Variants in CUX1 observed in about 807,000 individuals in gnomAD.
CUX1 encodes cut like homeobox 1.
A neutral mutation model predicts 158.8 loss-of-function variants in CUX1; 31 were observed. The observed-to-expected ratio is 0.20, with a 90% CI of 0.15 to 0.26. CUX1 has a LOEUF of 0.26. Ranked by LOEUF, CUX1 falls within the 10% of genes least tolerant of loss-of-function variation. The probability of loss-of-function intolerance (pLI) is 1.00; values close to 1 mark genes in which losing one functional copy is unlikely to be tolerated. For synonymous variants in CUX1, 879 were observed against 862.1 expected, an observed-to-expected ratio of 1.02 and a Z score of -0.34; for missense variants, 1,589 against 2,014.6, an observed-to-expected ratio of 0.79 and a Z score of 4.04.
At chr7:102,071,983 A>G (rs1826185766) in intron 4 of CUX1, among the ~76,000 whole-genome samples, 1 of 152,218 alleles carries the variant, frequency 6.6e-6, no homozygotes, top group African/African-American at 2.4e-5. Flanking sequence ...GAGAGTTTGT[A>G]TCTGACTAGG....
In CUX1 at chr7:102,248,435, T is replaced by G; in HGVS notation, c.3911T>G (p.Phe1304Cys). 6.3e-7 allele frequency: 1 copy of G among 1,598,270 alleles called. No individual in the cohort carries two copies. Among genetic ancestry groups the G allele is most frequent in the Non-Finnish European group, 8.5e-7 (1 of 1,176,116 alleles). Residue 1304 changes from phenylalanine (F) to cysteine (C), a missense_variant, in exon 24 of 24, where the codon TTC becomes TGC. Physicochemically the swap from Phe to Cys is radical, Grantham distance 205 (BLOSUM62 -2). This residue lies in a region of CUX1 where 344 missense variants were observed against 323.7 expected (regional missense o/e 1.06). Transcript: ENST00000292535. The surrounding 1 kb of genome is among the most constrained non-coding windows in gnomAD (Gnocchi z 5.8). ...NYRSRIRRELFIEEIQAGSQG... is the reference protein window; with the variant it reads ...NYRSRIRRELCIEEIQAGSQG... ...AGGTCTCGGATCCGCAGAGAACTGT[T>G]CATTGAGGAAATTCAGGCCGGGAGT...
chr7:102,249,287 A>C lies in CUX1; in HGVS notation c.*245A>C. The C allele has an allele frequency of 9.6e-7, 1 of 1,037,352 alleles. No homozygotes were observed. The highest frequency in any genetic ancestry group is 7.6e-5 in the East Asian group (1 of 13,086). The allele number at this position is 1,037,352 out of a possible 1,614,324, so 64.3% of individuals were successfully genotyped here. A position where few individuals can be genotyped will look rare whatever the true frequency, so the allele number is the denominator to read the frequency against. ...CCGGGCCGACCCTGCGGCCTCCACC[A>C]ACCCCGCGGCCCAGACCCAGCCCGC... On this transcript the variant is annotated 3_prime_UTR_variant, in exon 24 of 24. Coordinates refer to ENST00000292535, the MANE Select transcript of CUX1 (RefSeq NM_181552.4).
chr7:102,246,346 G>A (rs1343465813), intron 23 of CUX1, among the ~76,000 whole-genome samples: 1 of 152,096 alleles, frequency 6.6e-6, no homozygotes, highest in African/African-American at 2.4e-5. Flanking sequence ...TGGAACTTCT[G>A]GGGGGCTTCT....
chr7:102,134,550 G>C (rs1212506966), intron 8 of CUX1, among the ~76,000 whole-genome samples: 6 of 152,112 alleles, frequency 3.9e-5, no homozygotes, highest in African/African-American at 1.4e-4. Flanking sequence ...ACAGTGTCTT[G>C]ACCGGATCCT....
At chr7:102,150,859 A>G (rs1248335895) in intron 8 of CUX1, among the ~76,000 whole-genome samples, 4 of 152,256 alleles carry the variant, frequency 2.6e-5, no homozygotes, top group Non-Finnish European at 5.9e-5. Flanking sequence ...GCTGAGCATA[A>G]TACCGGGCAG....
chr7:101,944,215 AG>A (rs1808085459), intron 2 of CUX1, among the ~76,000 whole-genome samples: 1 of 152,094 alleles, frequency 6.6e-6, no homozygotes, highest in East Asian at 1.9e-4. Context: ...GCTGGGTTGC[AG>A]GGGGTAGTTG....
chr7:102,126,902 C>T (rs1287480015), intron 8 of CUX1, among the ~76,000 whole-genome samples: 2 of 152,146 alleles, frequency 1.3e-5, no homozygotes, highest in African/African-American at 4.8e-5. Context: ...CTACACAGTC[C>T]CATCTGGGGG....
In CUX1 at chr7:102,191,731, CTCT is replaced by C. The variant is rs1284721465; in HGVS notation, c.1076+1868_1076+1870del. ...CTTCGTTGTCTTCTTCTTTCTTCCTCTCTTCTTCTTTCTTCCTCCTCCTCTTCT... is the reference window on the plus strand; with the variant it reads ...CTTCGTTGTCTTCTTCTTTCTTCCTCTCTTCTTTCTTCCTCCTCCTCTTCT... On this transcript the variant is annotated intron_variant, in intron 12 of 23. Transcript: ENST00000292535. Among the ~76,000 whole-genome samples, 8 of 152,086 alleles carry C rather than the reference CTCT, an allele frequency of 5.3e-5. No homozygotes were observed. The South Asian group carries it at 6.2e-4, about 12-fold the overall frequency.
At chr7:101,853,240 T>A (rs1430817339) in intron 1 of CUX1, among the ~76,000 whole-genome samples, 1 of 152,202 alleles carries the variant, frequency 6.6e-6, no homozygotes, top group East Asian at 1.9e-4. Context: ...ATAATGTATT[T>A]TCTGCACCCA....
Position 102,201,075 on chromosome 7 carries a change from A to G in CUX1, c.2063-285A>G, listed in dbSNP as rs1306654402. ...AAAAATTCTCGGGGAAAGGAGCCCC[A>G]GGAGGGCAGGTCGGGGAGCACTTTC... On this transcript the variant is annotated intron_variant, in intron 17 of 23. Transcript: ENST00000292535. This position sits in a 1 kb window ranked among gnomAD's most constrained non-coding sequence, Gnocchi z 5.0. Among the ~76,000 whole-genome samples the G allele has an allele frequency of 6.8e-6, 1 of 147,368 alleles. No homozygotes were observed. The highest frequency in any genetic ancestry group is 1.5e-5 in the Non-Finnish European group (1 of 66,962).
intron 23 of CUX1, among the ~76,000 whole-genome samples, chr7:102,247,115 G>T (rs1386892337): frequency 6.6e-6 from 1 of 152,014 alleles, no homozygotes; most frequent in Non-Finnish European, 1.5e-5. Context: ...GATCACCTGA[G>T]CCTGGGAGGT....
intron 1 of CUX1, among the ~76,000 whole-genome samples, chr7:101,859,545 C>G (rs1797217232): frequency 6.6e-6 from 1 of 152,154 alleles, no homozygotes; most frequent in African/African-American, 2.4e-5. Flanking sequence ...ATTTTTCTTC[C>G]CAAATAACTG....
At chr7:102,132,917 T>C (rs1440556179) in intron 8 of CUX1, among the ~76,000 whole-genome samples, 1 of 151,948 alleles carries the variant, frequency 6.6e-6, no homozygotes, top group Non-Finnish European at 1.5e-5. Context: ...GTGATTCACC[T>C]GCCTCAGCCT....
chr7:101,967,155 A>C (rs1416956549), intron 2 of CUX1, among the ~76,000 whole-genome samples: 1 of 152,026 alleles, frequency 6.6e-6, no homozygotes, highest in African/African-American at 2.4e-5. Flanking sequence ...CTGGGATTAC[A>C]GGTGCCCTCC....
At chr7:101,979,202 A>G (rs139002625) in intron 2 of CUX1, among the ~76,000 whole-genome samples, 22 of 152,282 alleles carry the variant, frequency 1.4e-4, no homozygotes, top group Admixed American at 3.9e-4. Flanking sequence ...GAGGTGCTCT[A>G]GACTGTGATG....
chr7:102,167,253 G>A (rs1409620092), intron 9 of CUX1, among the ~76,000 whole-genome samples: 1 of 150,660 alleles, frequency 6.6e-6, no homozygotes, highest in African/African-American at 2.5e-5. Context: ...GGGCAACAGG[G>A]TGAGACTCTG....
chr7:102,275,168 C>A, intron 16 of CUX1: 2 of 1,015,508 alleles, frequency 2.0e-6, no homozygotes, highest in Non-Finnish European at 3.0e-6. Context: ...TCCCCCAGGG[C>A]TGGGGGACCC....
intron 1 of CUX1, among the ~76,000 whole-genome samples, chr7:101,823,145 C>A (rs1584650793): frequency 6.6e-6 from 1 of 152,070 alleles, no homozygotes; most frequent in Admixed American, 6.6e-5. Context: ...GAGCCTCGGG[C>A]CATGGGAAGT....
intron 1 of CUX1, among the ~76,000 whole-genome samples, chr7:101,890,023 G>A (rs1800700253): frequency 6.6e-6 from 1 of 152,202 alleles, no homozygotes; most frequent in Non-Finnish European, 1.5e-5. Flanking sequence ...AACCACTCCC[G>A]CCAGTGTGTG....
Sources: allele counts gnomAD v4.1 joint callset (sites outside exome capture counted in the v4.1 genomes callset), GRCh38; gene constraint gnomAD v4.1.1; regional missense constraint gnomAD v4.1.1; non-coding constraint Gnocchi (gnomAD v3.1); transcripts MANE v1.5; gene names NCBI Gene and HGNC (gene_info 2026-07-23, HGNC 2026-07-21).